Variants in KIF6 observed in about 807,000 individuals in gnomAD.
KIF6 encodes kinesin family member 6, also known as kinesin-like protein KIF6.
KIF6 carries 106 observed loss-of-function variants against 112.7 expected under a neutral mutation model. The ratio of observed to expected loss-of-function variants is 0.94; its 90% CI spans 0.80 to 1.11. KIF6 has a LOEUF of 1.11. Among genes scored for constraint, KIF6 ranks in the 50% least tolerant of loss-of-function variants. The pLI is 0.00. For missense variants in KIF6, 929 were observed against 964.0 expected (o/e 0.96, Z 0.48); for synonymous variants, 339 against 339.9 (o/e 1.00, Z 0.03).
chr6:39,453,331 G>A (rs150739776), intron 13 of KIF6, among the ~76,000 whole-genome samples: 1 of 152,322 alleles, frequency 6.6e-6, no homozygotes, highest in African/African-American at 2.4e-5. Flanking sequence ...GTCCAGGGTG[G>A]ACTGAAAGGC....
chr6:39,710,869 CA>C (rs1188922735), intron 3 of KIF6, among the ~76,000 whole-genome samples: 1 of 151,582 alleles, frequency 6.6e-6, no homozygotes, highest in Non-Finnish European at 1.5e-5. Context: ...ATAAAAAATT[CA>C]AAAAATTAGC....
intron 15 of KIF6, among the ~76,000 whole-genome samples, chr6:39,399,932 T>A (rs1358896517): frequency 6.6e-6 from 1 of 152,202 alleles, no homozygotes; most frequent in Non-Finnish European, 1.5e-5. Flanking sequence ...CATTAGAGGA[T>A]AGCGTGCCCA....
At chr6:39,547,805 T>A (rs1160417558) in intron 10 of KIF6, among the ~76,000 whole-genome samples, 1 of 152,228 alleles carries the variant, frequency 6.6e-6, no homozygotes, top group East Asian at 1.9e-4. Context: ...TCATTTCTAA[T>A]GGCTATATAA....
chr6:39,463,041 A>G (rs1773572673), intron 13 of KIF6, among the ~76,000 whole-genome samples: 1 of 152,212 alleles, frequency 6.6e-6, no homozygotes, highest in Non-Finnish European at 1.5e-5. Flanking sequence ...ATCAACAGCT[A>G]AGACAACAGC....
chr6:39,385,009 T>C (rs1025708961), intron 16 of KIF6, among the ~76,000 whole-genome samples: 2 of 152,242 alleles, frequency 1.3e-5, no homozygotes, highest in Non-Finnish European at 2.9e-5. Flanking sequence ...ATTTGCATTC[T>C]TCATGCGTTA....
At chr6:39,569,674 C>T (rs1465141097) in intron 10 of KIF6, among the ~76,000 whole-genome samples, 1 of 152,182 alleles carries the variant, frequency 6.6e-6, no homozygotes, top group Non-Finnish European at 1.5e-5. Context: ...TTTGTTGTCA[C>T]TTCCTATATA....
At chr6:39,349,714 C>T (rs564490740) in intron 19 of KIF6, among the ~76,000 whole-genome samples, 9 of 136,198 alleles carry the variant, frequency 6.6e-5, no homozygotes, top group African/African-American at 2.5e-4. Context: ...GTGATCTCAG[C>T]TCACTGCAAC....
At chr6:39,460,722 C>G (rs896033474) in intron 13 of KIF6, among the ~76,000 whole-genome samples, 1 of 152,002 alleles carries the variant, frequency 6.6e-6, no homozygotes, top group African/African-American at 2.4e-5. Flanking sequence ...CTATATGCAG[C>G]TAAATTGCCA....
At chr6:39,506,853 CT>C (rs1452450752) in intron 13 of KIF6, among the ~76,000 whole-genome samples, 1 of 152,028 alleles carries the variant, frequency 6.6e-6, no homozygotes, top group Non-Finnish European at 1.5e-5. Flanking sequence ...GGGAGAAGGG[CT>C]TAGAGATTGA....
intron 14 of KIF6, among the ~76,000 whole-genome samples, chr6:39,426,512 G>A (rs753064423): frequency 1.3e-4 from 20 of 152,178 alleles, no homozygotes; most frequent in Non-Finnish European, 2.8e-4. Context: ...TACTTTGGAA[G>A]GCCCAGGGAG....
At chr6:39,448,402 T>C (rs975506680) in intron 13 of KIF6, among the ~76,000 whole-genome samples, 5 of 152,124 alleles carry the variant, frequency 3.3e-5, no homozygotes, top group African/African-American at 7.2e-5. Flanking sequence ...CTCGAACTCC[T>C]GACCTCAGGA....
intron 6 of KIF6, among the ~76,000 whole-genome samples, chr6:39,604,581 G>T (rs1187053268): frequency 6.6e-6 from 1 of 152,128 alleles, no homozygotes; most frequent in Non-Finnish European, 1.5e-5. Context: ...TAGTCAAAAT[G>T]ATTTTCCCCA....
At chr6:39,508,071 T>C (rs1178884393) in intron 13 of KIF6, among the ~76,000 whole-genome samples, 2 of 151,158 alleles carry the variant, frequency 1.3e-5, no homozygotes, top group African/African-American at 4.9e-5. Flanking sequence ...CTTTTCTTTT[T>C]TTTGTTGTTG....
intron 5 of KIF6, among the ~76,000 whole-genome samples, chr6:39,621,852 C>A (rs1783837836): frequency 6.6e-6 from 1 of 151,938 alleles, no homozygotes; most frequent in Non-Finnish European, 1.5e-5. Flanking sequence ...AATTTACATT[C>A]TTTGAATGGT....
At position 39,342,874 on chromosome 6, in the gene KIF6, T is replaced by C; in HGVS notation, c.2428+835A>G. On this transcript the variant is annotated intron_variant, in intron 22 of 22. Transcript: ENST00000287152. This position sits in a 1 kb window ranked among gnomAD's most constrained non-coding sequence, Gnocchi z 4.7. ...AACTGCACACGGCTGGTGGAGAAGC[T>C]GAGTGCAGGCGCCACAGGGCAGGCA... 1.0e-6 allele frequency: 1 copy of C among 985,336 alleles called. No homozygotes were observed. Among genetic ancestry groups the C allele is most frequent in the Non-Finnish European group, 1.2e-6 (1 of 829,908 alleles). The allele number at this position is 985,336 out of a possible 1,614,324, so 61.0% of individuals were successfully genotyped here.
chr6:39,608,870 G>A (rs1783038919), intron 6 of KIF6, among the ~76,000 whole-genome samples: 1 of 152,162 alleles, frequency 6.6e-6, no homozygotes, highest in Non-Finnish European at 1.5e-5. Context: ...CAGTTAATCA[G>A]TAACTGATGA....
chr6:39,411,428 T>C (rs1769467933), intron 15 of KIF6, among the ~76,000 whole-genome samples: 1 of 152,226 alleles, frequency 6.6e-6, no homozygotes, highest in African/African-American at 2.4e-5. Context: ...TTTATGTTTC[T>C]AAAATCAAAA....
At chr6:39,585,457 T>C (rs981595362) in intron 8 of KIF6, among the ~76,000 whole-genome samples, 2 of 152,220 alleles carry the variant, frequency 1.3e-5, no homozygotes, top group African/African-American at 4.8e-5. Context: ...TACTGGTCCA[T>C]GGCTCGGGGG....
At chr6:39,522,340 G>T (rs998953889) in intron 13 of KIF6, among the ~76,000 whole-genome samples, 6 of 152,108 alleles carry the variant, frequency 3.9e-5, no homozygotes, top group Non-Finnish European at 8.8e-5. Context: ...GTGTATATTG[G>T]ATCAAAGAGT....
Sources: allele counts gnomAD v4.1 joint callset (sites outside exome capture counted in the v4.1 genomes callset), GRCh38; gene constraint gnomAD v4.1.1; non-coding constraint Gnocchi (gnomAD v3.1); transcripts MANE v1.5; gene names NCBI Gene and HGNC (gene_info 2026-07-23, HGNC 2026-07-21).